Variants in SLC7A3 observed in about 807,000 individuals in gnomAD.
SLC7A3 encodes solute carrier family 7 member 3.
Under a neutral mutation model 33.2 loss-of-function variants are expected in SLC7A3, and 3 were observed. The ratio of observed to expected loss-of-function variants is 0.09; its 90% CI spans 0.04 to 0.23. The LOEUF is 0.23. Among genes scored for constraint, SLC7A3 ranks in the 10% least tolerant of loss-of-function variants. SLC7A3 has a pLI of 1.00. For missense variants in SLC7A3, 360 were observed against 488.8 expected (o/e 0.74, Z 2.48); for synonymous variants, 193 against 195.1 (o/e 0.99, Z 0.09).
chrX:70,929,496 C>A, intron 2 of SLC7A3, 132 bp downstream of exon 2: 3 of 792,664 alleles, frequency 3.8e-6, no homozygotes, highest in East Asian at 4.2e-5. Context: ...CCCCCCCAGA[C>A]CCCCAGCAAA....
chrX:70,926,823 C>A, intron 9 of SLC7A3, 52 bp downstream of exon 9: 1 of 1,184,974 alleles, frequency 8.4e-7, no homozygotes, highest in Non-Finnish European at 1.1e-6. Flanking sequence ...CCACACACTT[C>A]GACCCAATCA....
At position 70,926,645 on chromosome X, in the gene SLC7A3, G is replaced by A. The variant is rs745528774; in HGVS notation, c.1502C>T (p.Pro501Leu). The A allele has an allele frequency of 8.4e-7, 1 of 1,193,248 alleles. No homozygotes were observed. The highest frequency in any genetic ancestry group is 2.3e-5 in the Admixed American group (1 of 42,987). The change falls in exon 10 of 12, where the codon CCA becomes CTA. Residue 501 changes from proline (P) to leucine (L), a missense_variant. Pro to Leu is a moderately conservative substitution (Grantham distance 98). Transcript: ENST00000374299. ...LCLVLAQWSV[P>L]LLSGDLLWTA... ...CCACAGCAGGTCTCCAGAAAGCAAT[G>A]GAACTGACCACTGGGCCAGCACCAG... is the stretch of plus-strand genomic sequence containing the variant.
In SLC7A3 at chrX:70,926,604, G is replaced by A. The variant is rs935295950; in HGVS notation, c.1543C>T (p.Leu515=). Residue 515 remains leucine, a synonymous_variant, in exon 10 of 12, where the codon CTG becomes TTG. Transcript: ENST00000374299. Reference sequence around the variant, plus strand: ...ATCCCAATAATGAGCAGCAGGAGCAGCACAACCACTGCAGTCCACAGCAGG... The same window carrying A: ...ATCCCAATAATGAGCAGCAGGAGCAACACAACCACTGCAGTCCACAGCAGG... The part of the protein sequence containing the change: ...GDLLWTAVVV[L]LLLLIIGIIV... 1.7e-6 allele frequency: 2 copies of A among 1,196,977 alleles called. No individual in the cohort carries two copies. Among genetic ancestry groups the A allele is most frequent in the Non-Finnish European group, 2.3e-6 (2 of 888,083 alleles).
At chrX:70,930,748 G>A (rs753127631) in intron 1 of SLC7A3, among the ~76,000 whole-genome samples, 2 of 112,231 alleles carry the variant, frequency 1.8e-5, no homozygotes, top group Non-Finnish European at 3.8e-5. Flanking sequence ...GAGAGGAAGG[G>A]TTCCACCCGA....
chrX:70,925,634 A>G lies in SLC7A3; in HGVS notation c.*179T>C, dbSNP rs1351061339. ...TTTTAAAGTTGGTAAGCAGCTAGAC[A>G]TCATTTAGAAGCAGACGGGTTAAAA... On this transcript the variant is annotated 3_prime_UTR_variant, in exon 12 of 12. Transcript: ENST00000374299. 9 of 448,049 alleles carry G rather than the reference A, an allele frequency of 2.0e-5. No individual in the cohort carries two copies. The highest frequency in any genetic ancestry group is 3.3e-5 in the Non-Finnish European group (9 of 274,438). 36.9% of individuals were successfully genotyped at this position (448,049 alleles called of 1,213,427 possible). A position where few individuals can be genotyped will look rare whatever the true frequency, so the allele number is the denominator to read the frequency against.
intron 8 of SLC7A3, 37 bp from the exon 9 acceptor site, chrX:70,927,078 C>T: frequency 5.1e-6 from 6 of 1,173,937 alleles, no homozygotes; most frequent in Non-Finnish European, 6.9e-6. Context: ...TAAGAACAAC[C>T]TTTACTCACT....
Position 70,927,887 on chromosome X carries a change from C to T in SLC7A3, c.954G>A (p.Glu318=), listed in dbSNP as rs1249355870. ...LMMPYYQLQP[E]SPLPEAFLYI... Reference sequence around the variant, plus strand: ...AGAGAAATGCCTCAGGCAAAGGGCTCTCAGGCTGAAGCTGGTAGTAAGGCA... The same window carrying T: ...AGAGAAATGCCTCAGGCAAAGGGCTTTCAGGCTGAAGCTGGTAGTAAGGCA... Residue 318 remains glutamate (E), a synonymous_variant, in exon 6 of 12, where the codon GAG becomes GAA. Coordinates refer to ENST00000374299, the MANE Select transcript of SLC7A3 (RefSeq NM_032803.6). 2.5e-6 allele frequency: 3 copies of T among 1,206,842 alleles called. No individual in the cohort carries two copies. The highest frequency in any genetic ancestry group is 1.7e-5 in the African/African-American group (1 of 57,397).
chrX:70,925,714 T>C lies in SLC7A3; in HGVS notation c.*99A>G. 1 of 976,349 alleles carries C rather than the reference T, an allele frequency of 1.0e-6. No homozygotes were observed. The highest frequency in any genetic ancestry group is 2.1e-5 in the South Asian group (1 of 47,648). The allele number at this position is 976,349 out of a possible 1,213,427, so 80.5% of individuals were successfully genotyped here. On this transcript the variant is annotated 3_prime_UTR_variant, in exon 12 of 12. Transcript: ENST00000374299. Reference sequence around the variant, plus strand: ...CACATCGTACAGAACTGTATTAGTATCCACCACCACCATCACAGGGGAGGG... The same window carrying C: ...CACATCGTACAGAACTGTATTAGTACCCACCACCACCATCACAGGGGAGGG...
At position 70,926,119 on chromosome X, in the gene SLC7A3, C is replaced by T. The variant is rs2091896220; in HGVS notation, c.1680G>A (p.Met560Ile). The T allele has an allele frequency of 8.3e-7, 1 of 1,211,077 alleles. No homozygotes were observed. Among genetic ancestry groups the T allele is most frequent in the Non-Finnish European group, 1.1e-6 (1 of 895,254 alleles). The change falls in exon 11 of 12, where the codon ATG becomes ATA. Residue 560 changes from methionine (M) to isoleucine (I), a missense_variant. Physicochemically the swap from Met to Ile is conservative, Grantham distance 10. Coordinates refer to ENST00000374299, the MANE Select transcript of SLC7A3 (RefSeq NM_032803.6). ...GGGCCCAGGTACCAGCTGTCATCTGCATCATAAGGTAAATATTCACAAAGA... is the reference window on the plus strand; with the variant it reads ...GGGCCCAGGTACCAGCTGTCATCTGTATCATAAGGTAAATATTCACAAAGA... ...MSIFVNIYLM[M>I]QMTAGTWARF...
rs1464181630 is a variant in SLC7A3 at position 70,925,619 on chromosome X, G to A, written c.*194C>T. The A allele has an allele frequency of 8.9e-5, 35 of 395,401 alleles. No individual in the cohort carries two copies. Among genetic ancestry groups the A allele is most frequent in the Non-Finnish European group, 1.4e-4 (34 of 236,956 alleles). The allele number at this position is 395,401 out of a possible 1,213,427, so 32.6% of individuals were successfully genotyped here. On this transcript the variant is annotated 3_prime_UTR_variant, in exon 12 of 12. Coordinates refer to ENST00000374299, the MANE Select transcript of SLC7A3 (RefSeq NM_032803.6). ...TCTTTTAATATCATTTTTTAAAGTT[G>A]GTAAGCAGCTAGACATCATTTAGAA...
At position 70,929,656 on chromosome X, in the gene SLC7A3, G is replaced by A; in HGVS notation, c.342C>T (p.Gly114=). 8.3e-7 allele frequency: 1 copy of A among 1,210,358 alleles called. No individual in the cohort carries two copies. Among genetic ancestry groups the A allele is most frequent in the Non-Finnish European group, 1.1e-6 (1 of 894,934 alleles). Residue 114 remains glycine, a synonymous_variant, in exon 2 of 12, where the codon GGC becomes GGT. Coordinates refer to ENST00000374299, the MANE Select transcript of SLC7A3 (RefSeq NM_032803.6). ...TVGELWAFTT[G]WNLILSYVIG... is the part of the protein sequence containing the mutation. The stretch of plus-strand genomic sequence containing the variant: ...TGACATAGGAGAGGATGAGGTTCCA[G>A]CCAGTGGTGAAGGCCCAGAGTTCAC...
At chrX:70,927,091 A>G in intron 8 of SLC7A3, 50 bp from the exon 9 acceptor site, 4 of 1,167,639 alleles carry the variant, frequency 3.4e-6, no homozygotes, top group Non-Finnish European at 4.6e-6. Flanking sequence ...TACTCACTTT[A>G]TCATCTTCTC....
chrX:70,930,662 ACAT>A (rs1427892513), intron 1 of SLC7A3, among the ~76,000 whole-genome samples: 4 of 112,233 alleles, frequency 3.6e-5, no homozygotes, highest in Non-Finnish European at 7.5e-5. Flanking sequence ...CGGGGCTTCG[ACAT>A]CTAAAGATTT....
In SLC7A3 at chrX:70,925,787, C is replaced by A; in HGVS notation, c.*26G>T. On this transcript the variant is annotated 3_prime_UTR_variant, in exon 12 of 12. Transcript: ENST00000374299. ...GTACTCTCCATTATTGTGCAGGGGA[C>A]CAGACAGCATTTAGGTGTGACGATG... The A allele has an allele frequency of 8.3e-7, 1 of 1,209,699 alleles. No individual in the cohort carries two copies. Among genetic ancestry groups the A allele is most frequent in the Non-Finnish European group, 1.1e-6 (1 of 894,604 alleles).
intron 2 of SLC7A3, 133 bp downstream of exon 2, chrX:70,929,495 A>C: frequency 1.1e-4 from 66 of 623,024 alleles, no homozygotes; most frequent in Non-Finnish European, 1.4e-4. Flanking sequence ...CCCCCCCCAG[A>C]CCCCCAGCAA....
rs774133403 is a variant in SLC7A3 at position 70,927,965 on chromosome X, C to G, written c.876G>C (p.Leu292=). 2 of 1,211,591 alleles carry G rather than the reference C, an allele frequency of 1.7e-6. No individual in the cohort carries two copies. The highest frequency in any genetic ancestry group is 1.8e-5 in the South Asian group (1 of 56,887). The change falls in exon 6 of 12, where the codon CTG becomes CTC. Residue 292 remains leucine, a synonymous_variant. Coordinates refer to ENST00000374299, the MANE Select transcript of SLC7A3 (RefSeq NM_032803.6). ...RSIPMGIVIS[L]SVCFLAYFAV... ...CAAAATACGCCAAAAAGCAGACAGA[C>G]AGTGAGATCACAATGCCCATCGGGA...
At position 70,928,185 on chromosome X, in the gene SLC7A3, A is replaced by G; in HGVS notation, c.780T>C (p.Cys260=). The change falls in exon 5 of 12, where the codon TGT becomes TGC. Residue 260 remains cysteine (C), a synonymous_variant. Transcript: ENST00000374299. ...AGTCGAAACCAACAAATGCATAGAA[A>G]CAGGTCGCTGCTCCACGGAGAATTC... ...FEGILRGAAT[C]FYAFVGFDCI... is the part of the protein sequence containing the mutation. 8.3e-7 allele frequency: 1 copy of G among 1,211,405 alleles called. No homozygotes were observed. Among genetic ancestry groups the G allele is most frequent in the Middle Eastern group, 2.3e-4 (1 of 4,351 alleles).
chrX:70,930,908 G>C (rs1311216891), intron 1 of SLC7A3, 69 bp downstream of exon 1: 16 of 111,847 alleles, frequency 1.4e-4, no homozygotes, highest in Admixed American at 1.3e-3. Context: ...ATGGTTGCCA[G>C]AGAATCCTAG....
intron 1 of SLC7A3, among the ~76,000 whole-genome samples, chrX:70,930,458 C>T (rs1212294047): frequency 8.9e-6 from 1 of 111,814 alleles, no homozygotes; most frequent in African/African-American, 3.3e-5. Context: ...CAAACAGACA[C>T]AGCCCCCAGA....
Sources: allele counts gnomAD v4.1 joint callset (sites outside exome capture counted in the v4.1 genomes callset), GRCh38; gene constraint gnomAD v4.1.1; transcripts MANE v1.5; gene names NCBI Gene and HGNC (gene_info 2026-07-23, HGNC 2026-07-21).